The following FAM53B variants were observed in gnomAD, a reference collection of about 807,000 sequenced individuals.
The protein encoded by FAM53B is protein FAM53B.
In FAM53B, 12 loss-of-function variants were observed where a neutral mutation model predicts 32.7. The observed-to-expected ratio is 0.37, with a 90% CI of 0.24 to 0.59. FAM53B has a LOEUF of 0.59. Ranked by LOEUF, FAM53B falls within the 20% of genes least tolerant of loss-of-function variation. FAM53B has a pLI of 0.72. For synonymous variants in FAM53B, 234 were observed against 228.7 expected (o/e 1.02, Z -0.21); for missense variants, 477 against 577.7 (o/e 0.83, Z 1.79).
intron 3 of FAM53B, among the ~76,000 whole-genome samples, chr10:124,684,112 G>A (rs1949789118): frequency 1.3e-5 from 2 of 152,256 alleles, no homozygotes; most frequent in African/African-American, 4.8e-5. Context: ...CTGAGGGGCT[G>A]GGGACCCTGA....
At chr10:124,669,965 CAGGG>C (rs1564873119) in intron 4 of FAM53B, among the ~76,000 whole-genome samples, 1 of 151,450 alleles carries the variant, frequency 6.6e-6, no homozygotes, top group African/African-American at 2.4e-5. Flanking sequence ...GTGAGGATTA[CAGGG>C]TGGGTGAGGA....
intron 1 of FAM53B, chr10:124,713,790 C>A (rs1266717260): frequency 5.9e-5 from 9 of 152,170 alleles, no homozygotes; most frequent in Non-Finnish European, 1.3e-4. Context: ...GCCTTAAAAA[C>A]AGGACTCAGA....
chr10:124,673,147 C>T (rs1262504010), intron 4 of FAM53B, among the ~76,000 whole-genome samples: 2 of 152,162 alleles, frequency 1.3e-5, no homozygotes, highest in East Asian at 3.9e-4. Flanking sequence ...CCACTGCCCC[C>T]ACCCTTGTCT....
chr10:124,637,887 T>C (rs180785456), intron 4 of FAM53B, among the ~76,000 whole-genome samples: 2 of 152,186 alleles, frequency 1.3e-5, no homozygotes, highest in African/African-American at 4.8e-5. Context: ...AAAGCCTCCA[T>C]GGAGCCTCTC....
intron 4 of FAM53B, among the ~76,000 whole-genome samples, chr10:124,634,349 T>C (rs945027685): frequency 1.3e-5 from 2 of 152,240 alleles, no homozygotes; most frequent in East Asian, 1.9e-4. Context: ...ATGTCCAGAA[T>C]AGGGAAACCC....
intron 4 of FAM53B, among the ~76,000 whole-genome samples, chr10:124,624,831 C>T (rs950233060): frequency 6.6e-6 from 1 of 151,246 alleles, no homozygotes; most frequent in Non-Finnish European, 1.5e-5. Flanking sequence ...ACAGACAGGA[C>T]AGAGGCTGAG....
At chr10:124,679,713 C>T (rs988243868) in intron 4 of FAM53B, among the ~76,000 whole-genome samples, 3 of 152,258 alleles carry the variant, frequency 2.0e-5, no homozygotes, top group Non-Finnish European at 4.4e-5. Context: ...ACAGGCTGAA[C>T]CAGAGCAGCC....
intron 2 of FAM53B, among the ~76,000 whole-genome samples, chr10:124,698,047 G>T (rs1410556054): frequency 6.6e-6 from 1 of 152,208 alleles, no homozygotes; most frequent in African/African-American, 2.4e-5. Context: ...ACAGCTGAGA[G>T]CTCAGCCTGT....
intron 4 of FAM53B, among the ~76,000 whole-genome samples, chr10:124,648,896 C>T (rs1949538241): frequency 6.6e-6 from 1 of 152,262 alleles, no homozygotes; most frequent in Non-Finnish European, 1.5e-5. Context: ...ACTGGAGAGA[C>T]TGGTGGTGGA....
intron 2 of FAM53B, among the ~76,000 whole-genome samples, chr10:124,700,703 A>G (rs1949909947): frequency 6.6e-6 from 1 of 152,248 alleles, no homozygotes; most frequent in Admixed American, 6.5e-5. Context: ...TTAAGGCTCC[A>G]AATGAGGAAC....
At chr10:124,631,839 G>T (rs990124872) in intron 4 of FAM53B, among the ~76,000 whole-genome samples, 1 of 152,038 alleles carries the variant, frequency 6.6e-6, no homozygotes, top group Non-Finnish European at 1.5e-5. Flanking sequence ...ACCAAAACCC[G>T]CCTCTGCAGC....
chr10:124,739,446 C>A (rs1950189156), intron 1 of FAM53B, among the ~76,000 whole-genome samples: 1 of 152,214 alleles, frequency 6.6e-6, no homozygotes, highest in South Asian at 2.1e-4. Flanking sequence ...TCAGCTAAAT[C>A]CTTGGGAATC....
chr10:124,702,922 G>C (rs1272734063), intron 2 of FAM53B, among the ~76,000 whole-genome samples: 1 of 152,110 alleles, frequency 6.6e-6, no homozygotes, highest in East Asian at 1.9e-4. Flanking sequence ...TAGTTTAACA[G>C]GTCTGGCACC....
intron 2 of FAM53B, among the ~76,000 whole-genome samples, chr10:124,704,484 G>C (rs1271035710): frequency 6.6e-6 from 1 of 152,226 alleles, no homozygotes; most frequent in Non-Finnish European, 1.5e-5. Flanking sequence ...GTGGGCGCTG[G>C]CGCTGGGACT....
intron 4 of FAM53B, among the ~76,000 whole-genome samples, chr10:124,659,009 G>T (rs1193157892): frequency 6.6e-6 from 1 of 152,200 alleles, no homozygotes; most frequent in Non-Finnish European, 1.5e-5. Flanking sequence ...CTGTGTCTGT[G>T]GTGGTAACCT....
intron 1 of FAM53B, among the ~76,000 whole-genome samples, chr10:124,714,758 C>CAAAAA (rs71484584): frequency 5.6e-4 from 51 of 90,786 alleles, no homozygotes; most frequent in Non-Finnish European, 7.5e-4. Flanking sequence ...GACTCCACCT[C>CAAAAA]AAAAAAAAAA....
chr10:124,665,519 C>T (rs565949261), intron 4 of FAM53B, among the ~76,000 whole-genome samples: 1 of 152,320 alleles, frequency 6.6e-6, no homozygotes, highest in African/African-American at 2.4e-5. Context: ...TCAAAACGTG[C>T]CCCTCGCTTC....
chr10:124,679,429 A>G (rs1251226307), intron 4 of FAM53B, among the ~76,000 whole-genome samples: 1 of 152,184 alleles, frequency 6.6e-6, no homozygotes, highest in African/African-American at 2.4e-5. Flanking sequence ...TGATAAATAC[A>G]CAGGGATACC....
intron 4 of FAM53B, among the ~76,000 whole-genome samples, chr10:124,663,981 G>C (rs1949650003): frequency 6.6e-6 from 1 of 152,060 alleles, no homozygotes; most frequent in African/African-American, 2.4e-5. Flanking sequence ...ACACTGCAAG[G>C]TTTAAGTGAG....
Sources: gnomAD v4.1 joint callset for allele counts (sites outside exome capture counted in the v4.1 genomes callset) on GRCh38, gnomAD v4.1.1 for gene constraint, MANE v1.5 for transcripts, NCBI Gene and HGNC (gene_info 2026-07-23, HGNC 2026-07-21) for gene names.